BRD2: variants seen among roughly 807,000 people sequenced by gnomAD.
BRD2 encodes bromodomain containing 2.
A neutral mutation model predicts 79.1 loss-of-function variants in BRD2; 15 were observed. The observed-to-expected ratio is 0.19, with a 90% CI of 0.13 to 0.29. The LOEUF (loss-of-function observed/expected upper bound fraction) is 0.29, where lower values mean the gene tolerates loss of function less well. BRD2 is among the 10% of genes least tolerant of loss of function. The pLI, the probability that BRD2 is intolerant of heterozygous loss-of-function variation, is 1.00. For missense variants in BRD2, 1,053 were observed against 991.3 expected, an observed-to-expected ratio of 1.06 and a Z score of -0.84; for synonymous variants, 488 against 358.6, an observed-to-expected ratio of 1.36 and a Z score of -4.08.
At chr6:32,978,569 C>A in intron 10 of BRD2, 181 bp downstream of exon 10, 1 of 1,023,206 alleles carries the variant, frequency 9.8e-7, no homozygotes, top group Non-Finnish European at 1.4e-6. Flanking sequence ...TTACCACAGA[C>A]AGGGTTTGAG....
intron 10 of BRD2, chr6:32,979,617 T>C: frequency 1.7e-6 from 1 of 577,846 alleles, no homozygotes; most frequent in East Asian, 2.8e-5. Context: ...TACATTGTCT[T>C]TTTAAAGACA....
rs912297755 is a variant in BRD2, at chr6:32,981,350, A to G, written c.*632A>G. On this transcript the variant is annotated 3_prime_UTR_variant, in exon 13 of 13. Coordinates refer to ENST00000374825, the MANE Select transcript of BRD2 (RefSeq NM_005104.4). ...TAATATTTGCTTTTGTAGTGTTTCA[A>G]AAGGAACATCATAAGAATTGTCTTG... 22 of 152,330 alleles carry G rather than the reference A, an allele frequency of 1.4e-4. No homozygotes were observed. In the East Asian group the frequency reaches 1.7e-3, roughly 12 times the overall value. 9.4% of individuals were successfully genotyped at this position (152,330 alleles called of 1,614,324 possible).
intron 2 of BRD2, among the ~76,000 whole-genome samples, chr6:32,974,191 G>A (rs1441096122): frequency 6.6e-6 from 1 of 152,046 alleles, no homozygotes; most frequent in African/African-American, 2.4e-5. Context: ...AACAATTTGG[G>A]AGTTTTTTAA....
rs771272418 is a variant in BRD2 at position 32,976,149 on chromosome 6, A to G, written c.590A>G (p.Lys197Arg). ...LVVTIPKNSH[K>R]KGAKLAALQG... ...GTGACCATCCCTAAGAACAGCCACA[A>G]GAAGGGGGCCAAGTTGGCAGGTAGG... is the stretch of plus-strand genomic sequence containing the variant. Residue 197 changes from lysine to arginine, a missense_variant, in exon 5 of 13, where the codon AAG becomes AGG. Physicochemically the swap from Lys to Arg is conservative, Grantham distance 26 (BLOSUM62 2). Transcript: ENST00000374825. 1 of 1,612,630 alleles carries G rather than the reference A, an allele frequency of 6.2e-7. No individual in the cohort carries two copies. The highest frequency in any genetic ancestry group is 1.7e-5 in the Admixed American group (1 of 59,902).
chr6:32,972,731 C>T lies in BRD2; in HGVS notation c.-168C>T. 1 of 1,018,944 alleles carries T rather than the reference C, an allele frequency of 9.8e-7. No individual in the cohort carries two copies. Among genetic ancestry groups the T allele is most frequent in the Non-Finnish European group, 1.5e-6 (1 of 683,272 alleles). The allele number at this position is 1,018,944 out of a possible 1,614,324, so 63.1% of individuals were successfully genotyped here. A position where few individuals can be genotyped will look rare whatever the true frequency, so the allele number is the denominator to read the frequency against. ...GCTGCCCGGAGCTCTCCGAGAGGCC[C>T]CAAAGAGACTGCTTTCGTGCCGGCC... On this transcript the variant is annotated 5_prime_UTR_variant, in exon 2 of 13. Transcript: ENST00000374825.
rs554133752 is a variant in BRD2 at position 32,972,361 on chromosome 6, C to A, written c.-538C>A. ...GACTGGTCCCAGCGGGCAGTACAGA[C>A]CCCCTAGAAGCCCCTGGAGCTCCCC... On this transcript the variant is annotated 5_prime_UTR_variant, in exon 2 of 13. Transcript: ENST00000374825. 5.9e-6 allele frequency: 2 copies of A among 338,022 alleles called. No individual in the cohort carries two copies. The highest frequency in any genetic ancestry group is 4.6e-5 in the Admixed American group (1 of 21,840). The allele number at this position is 338,022 out of a possible 1,614,324, so 20.9% of individuals were successfully genotyped here. A position where few individuals can be genotyped will look rare whatever the true frequency, so the allele number is the denominator to read the frequency against.
At chr6:32,970,429 C>T (rs897644962) in intron 1 of BRD2, 1 of 152,582 alleles carries the variant, frequency 6.6e-6, no homozygotes, top group Non-Finnish European at 1.5e-5. Context: ...GACGCAGTAA[C>T]CGAGGTTGGA....
At chr6:32,977,653 G>T in intron 8 of BRD2, 83 bp downstream of exon 8, 1 of 1,601,914 alleles carries the variant, frequency 6.2e-7, no homozygotes, top group Non-Finnish European at 8.5e-7. Flanking sequence ...CAACGTGAGG[G>T]TCTCACTGTT....
At chr6:32,973,246 C>G (rs1176524969) in intron 2 of BRD2, 3 of 1,235,608 alleles carry the variant, frequency 2.4e-6, no homozygotes, top group Non-Finnish European at 3.4e-6. Context: ...TTTGGTGGGT[C>G]TGGTATCTAG....
intron 1 of BRD2, chr6:32,970,782 G>C (rs1388806185): frequency 3.3e-5 from 5 of 152,226 alleles, no homozygotes; most frequent in Non-Finnish European, 1.5e-5. Flanking sequence ...AACCAAGTTA[G>C]GAGGAAGACT....
chr6:32,972,124 C>T lies in BRD2; in HGVS notation c.-775C>T, dbSNP rs1447462955. On this transcript the variant is annotated 5_prime_UTR_variant, in exon 2 of 13. Transcript: ENST00000374825. The stretch of plus-strand genomic sequence containing the variant: ...CGGAGGGGGTGGGGAAAAGCTCAAG[C>T]AGGGTGGCGCGCATGAGCGGCGAAG... 3.0e-6 allele frequency: 2 copies of T among 675,714 alleles called. No homozygotes were observed. Among genetic ancestry groups the T allele is most frequent in the Non-Finnish European group, 5.4e-6 (2 of 370,312 alleles). The allele number at this position is 675,714 out of a possible 1,614,324, so 41.9% of individuals were successfully genotyped here.
At chr6:32,975,883 T>G (rs1778673378) in intron 4 of BRD2, 148 bp from the exon 5 acceptor site, 2 of 955,212 alleles carry the variant, frequency 2.1e-6, no homozygotes, top group Non-Finnish European at 3.0e-6. Context: ...TGGCCTGGAG[T>G]AGGAAATTTT....
chr6:32,977,342 C>T, intron 7 of BRD2, 100 bp from the exon 8 acceptor site: 2 of 1,608,576 alleles, frequency 1.2e-6, no homozygotes, highest in South Asian at 1.1e-5. Context: ...GTCATCCCCA[C>T]TGTGCTCTCA....
rs1232976077 is a variant in BRD2, at chr6:32,968,887, C to G, written c.-1474C>G. 6.3e-6 allele frequency: 1 copy of G among 157,772 alleles called. No homozygotes were observed. The highest frequency in any genetic ancestry group is 1.4e-5 in the Non-Finnish European group (1 of 71,668). 9.8% of individuals were successfully genotyped at this position (157,772 alleles called of 1,614,324 possible). On this transcript the variant is annotated 5_prime_UTR_variant, in exon 1 of 13. Coordinates refer to ENST00000374825, the MANE Select transcript of BRD2 (RefSeq NM_005104.4). The stretch of plus-strand genomic sequence containing the variant: ...GTGCTGCTGACGTGGCCGCGCGGCC[C>G]CGATGCTCTCCCCACCCCCCCAGCC...
intron 8 of BRD2, 56 bp downstream of exon 8, chr6:32,977,626 T>G (rs369497343): frequency 3.1e-6 from 5 of 1,607,748 alleles, no homozygotes; most frequent in Non-Finnish European, 4.3e-6. Flanking sequence ...TATTTTGTCA[T>G]GTGTGCTGCA....
rs765801042 is a variant in BRD2, at chr6:32,979,974, G to A, written c.1988G>A (p.Gly663Asp). 1 of 1,613,166 alleles carries A rather than the reference G, an allele frequency of 6.2e-7. No homozygotes were observed. The highest frequency in any genetic ancestry group is 8.5e-7 in the Non-Finnish European group (1 of 1,180,034). The part of the protein sequence containing the change: ...DINKLPGEKL[G>D]RVVHIIQARE... The stretch of plus-strand genomic sequence containing the variant: ...AACAAATTACCTGGGGAGAAGCTGG[G>A]CCGAGTTGTGCATATAATCCAAGCC... The change falls in exon 11 of 13, where the codon GGC becomes GAC. Residue 663 changes from glycine to aspartate, a missense_variant. By Grantham distance (94) the Gly-to-Asp change is moderately conservative (BLOSUM62 -1). Around this residue, in one of 5 missense-constraint regions of BRD2, gnomAD observed 44 missense variants for 73.7 expected, o/e 0.60. Transcript: ENST00000374825.
intron 2 of BRD2, 128 bp downstream of exon 2, chr6:32,973,055 T>C (rs2127503776): frequency 6.2e-7 from 1 of 1,602,508 alleles, no homozygotes; most frequent in Non-Finnish European, 8.5e-7. Flanking sequence ...GTCGACTCGG[T>C]CGCGCGGAGG....
At chr6:32,975,313 A>T (rs1051988252) in intron 3 of BRD2, 71 bp from the exon 4 acceptor site, 60 of 1,234,056 alleles carry the variant, frequency 4.9e-5, no homozygotes, top group Non-Finnish European at 5.7e-5. Flanking sequence ...TGTGTGTGAG[A>T]GTCGGGGATC....
chr6:32,977,041 C>T (rs1400203970), intron 7 of BRD2, 105 bp downstream of exon 7: 12 of 1,417,036 alleles, frequency 8.5e-6, no homozygotes, highest in Admixed American at 5.0e-5. Context: ...TGGTTCTTGG[C>T]ATTTTACTTT....
Sources: allele counts gnomAD v4.1 joint callset (sites outside exome capture counted in the v4.1 genomes callset), GRCh38; gene constraint gnomAD v4.1.1; regional missense constraint gnomAD v4.1.1; transcripts MANE v1.5; gene names NCBI Gene and HGNC (gene_info 2026-07-23, HGNC 2026-07-21).